The following ATXN1 variants were observed in gnomAD, a reference collection of about 807,000 sequenced individuals.
The protein encoded by ATXN1 is ataxin 1.
Under a neutral mutation model 56.4 loss-of-function variants are expected in ATXN1, and 8 were observed. The ratio of observed to expected loss-of-function variants is 0.14; its 90% CI spans 0.08 to 0.26. ATXN1 has a LOEUF of 0.26. Among genes scored for constraint, ATXN1 ranks in the 10% least tolerant of loss-of-function variants. The pLI is 1.00. For synonymous variants in ATXN1, 514 were observed against 494.6 expected (o/e 1.04, Z -0.52); for missense variants, 987 against 1,106.5 (o/e 0.89, Z 1.53).
chr6:16,504,384 T>C (rs562320968), intron 5 of ATXN1, among the ~76,000 whole-genome samples: 2 of 152,314 alleles, frequency 1.3e-5, no homozygotes, highest in Admixed American at 1.3e-4. Context: ...ATGTGATTTT[T>C]GTCATTTTAA....
At chr6:16,573,961 G>A (rs1378831849) in intron 4 of ATXN1, among the ~76,000 whole-genome samples, 1 of 152,152 alleles carries the variant, frequency 6.6e-6, no homozygotes, top group Non-Finnish European at 1.5e-5. Context: ...ATTCTCAGTT[G>A]TCTGTTGTCA....
At chr6:16,664,042 G>A (rs1758377719) in intron 2 of ATXN1, among the ~76,000 whole-genome samples, 1 of 152,028 alleles carries the variant, frequency 6.6e-6, no homozygotes, top group South Asian at 2.1e-4. Flanking sequence ...GGTATTTTTT[G>A]CCATTTAAAA....
chr6:16,357,700 G>A (rs2113469847), intron 6 of ATXN1, among the ~76,000 whole-genome samples: 1 of 152,286 alleles, frequency 6.6e-6, no homozygotes, highest in East Asian at 1.9e-4. Flanking sequence ...AGTTCCCAGA[G>A]GGTCTAGACT....
At chr6:16,510,661 C>T (rs1423144036) in intron 5 of ATXN1, among the ~76,000 whole-genome samples, 1 of 152,058 alleles carries the variant, frequency 6.6e-6, no homozygotes, top group Non-Finnish European at 1.5e-5. Flanking sequence ...TGCTTGAACC[C>T]CAGGAGGTTG....
intron 5 of ATXN1, among the ~76,000 whole-genome samples, chr6:16,514,941 C>G (rs372557164): frequency 1.3e-5 from 2 of 151,804 alleles, no homozygotes; most frequent in South Asian, 2.1e-4. Context: ...CGAGATCACG[C>G]CACTGCACTC....
At chr6:16,314,493 G>A (rs556290497) in intron 7 of ATXN1, among the ~76,000 whole-genome samples, 1 of 152,338 alleles carries the variant, frequency 6.6e-6, no homozygotes, top group African/African-American at 2.4e-5. Context: ...ATGTGAAACA[G>A]AGACGGTGTG....
At chr6:16,629,281 G>A (rs933840594) in intron 3 of ATXN1, among the ~76,000 whole-genome samples, 2 of 152,160 alleles carry the variant, frequency 1.3e-5, no homozygotes, top group African/African-American at 2.4e-5. Context: ...TTTGAAAAGT[G>A]TCTGTTCATG....
At chr6:16,647,284 G>T (rs1485617755) in intron 3 of ATXN1, among the ~76,000 whole-genome samples, 1 of 152,178 alleles carries the variant, frequency 6.6e-6, no homozygotes, top group Non-Finnish European at 1.5e-5. Flanking sequence ...TTACAGGCGT[G>T]AGCCACCGTG....
At chr6:16,397,868 C>T (rs1758487637) in intron 6 of ATXN1, among the ~76,000 whole-genome samples, 1 of 152,154 alleles carries the variant, frequency 6.6e-6, no homozygotes, top group African/African-American at 2.4e-5. Flanking sequence ...CATCCTTCAC[C>T]ACGGCCACAG....
At chr6:16,342,778 G>T (rs1479384130) in intron 6 of ATXN1, among the ~76,000 whole-genome samples, 1 of 152,178 alleles carries the variant, frequency 6.6e-6, no homozygotes, top group African/African-American at 2.4e-5. Context: ...AGACACAAAA[G>T]AACAATATCA....
intron 3 of ATXN1, among the ~76,000 whole-genome samples, chr6:16,656,981 C>A (rs1275710206): frequency 8.3e-6 from 1 of 120,396 alleles, no homozygotes; most frequent in Non-Finnish European, 1.7e-5. Context: ...GTATTATAAT[C>A]TTTTTTTTTT....
intron 6 of ATXN1, among the ~76,000 whole-genome samples, chr6:16,467,640 T>C (rs1008317918): frequency 1.6e-4 from 24 of 152,224 alleles, no homozygotes; most frequent in Admixed American, 8.5e-4. Flanking sequence ...AAGCCATTTG[T>C]TTTCCATTCT....
chr6:16,347,192 G>A (rs1237391273), intron 6 of ATXN1, among the ~76,000 whole-genome samples: 1 of 152,238 alleles, frequency 6.6e-6, no homozygotes, highest in African/African-American at 2.4e-5. Flanking sequence ...ACAGCGCCCA[G>A]TCCCATCGAC....
chr6:16,463,826 G>A (rs184598793), intron 6 of ATXN1, among the ~76,000 whole-genome samples: 7 of 152,208 alleles, frequency 4.6e-5, no homozygotes, highest in East Asian at 3.9e-4. Flanking sequence ...ACTCACCTTC[G>A]GGCCCTGTGT....
At position 16,303,877 on chromosome 6, in the gene ATXN1, G is replaced by A. The variant is rs963238012; in HGVS notation, c.*2452C>T. 6.6e-6 allele frequency: 1 copy of A among 152,606 alleles called. No individual in the cohort carries two copies. Among genetic ancestry groups the A allele is most frequent in the Admixed American group, 6.5e-5 (1 of 15,284 alleles). 9.5% of individuals were successfully genotyped at this position (152,606 alleles called of 1,614,324 possible). ...AAAAGAAAAACAAAACCTAATAATT[G>A]CAAGTGCCCTGAGCAGAATATATGG... On this transcript the variant is annotated 3_prime_UTR_variant, in exon 8 of 8. Transcript: ENST00000436367. The surrounding 1 kb of genome is among the most constrained non-coding windows in gnomAD (Gnocchi z 4.3).
At chr6:16,689,585 G>T (rs75492142) in intron 2 of ATXN1, among the ~76,000 whole-genome samples, 16,782 of 146,348 alleles carry the variant, frequency 0.11, 2,089 homozygotes, top group African/African-American at 0.32. Flanking sequence ...AAACTCCTGG[G>T]CTCAAGGGAT....
intron 3 of ATXN1, among the ~76,000 whole-genome samples, chr6:16,653,800 G>A (rs893698981): frequency 6.6e-6 from 1 of 152,228 alleles, no homozygotes; most frequent in Non-Finnish European, 1.5e-5. Context: ...CTTGGCAACT[G>A]AAGAGGGAAT....
At chr6:16,357,503 C>T (rs564161004) in intron 6 of ATXN1, among the ~76,000 whole-genome samples, 45 of 152,284 alleles carry the variant, frequency 3.0e-4, no homozygotes, top group African/African-American at 1.1e-3. Context: ...CTCCTGACCT[C>T]AAATGATCCA....
chr6:16,441,094 T>G (rs1250218948), intron 6 of ATXN1, among the ~76,000 whole-genome samples: 1 of 152,060 alleles, frequency 6.6e-6, no homozygotes, highest in African/African-American at 2.4e-5. Context: ...ATCCAATTCA[T>G]GGGGTGAGGG....
Sources: gnomAD v4.1 joint callset for allele counts (sites outside exome capture counted in the v4.1 genomes callset) on GRCh38, gnomAD v4.1.1 for gene constraint, Gnocchi (gnomAD v3.1) non-coding constraint, MANE v1.5 for transcripts, NCBI Gene and HGNC (gene_info 2026-07-23, HGNC 2026-07-21) for gene names.